Variants in STX3 observed in about 807,000 individuals in gnomAD.
STX3 encodes syntaxin 3.
Under a neutral mutation model 40.2 loss-of-function variants are expected in STX3, and 19 were observed. That is an observed-to-expected ratio of 0.47 (90% CI 0.33 to 0.69). The LOEUF is 0.69. STX3 is among the 30% of genes least tolerant of loss of function. STX3 has a pLI of 0.02. For synonymous variants in STX3, 122 were observed against 132.2 expected (o/e 0.92, Z 0.53); for missense variants, 364 against 366.7 (o/e 0.99, Z 0.06).
intron 1 of STX3, among the ~76,000 whole-genome samples, chr11:59,769,922 G>A (rs922863349): frequency 6.6e-6 from 1 of 151,158 alleles, no homozygotes; most frequent in South Asian, 2.1e-4. Context: ...GAGTGTGGGT[G>A]TATGTGTGTA....
At chr11:59,770,310 T>G (rs892267058) in intron 1 of STX3, among the ~76,000 whole-genome samples, 29 of 145,740 alleles carry the variant, frequency 2.0e-4, no homozygotes, top group Non-Finnish European at 3.6e-4. Flanking sequence ...GGGTGTGTGT[T>G]TATATGTAGC....
In STX3 at chr11:59,795,337, G is replaced by A. The variant is rs117785627; in HGVS notation, c.676-35G>A. 7.8e-3 allele frequency: 12,268 copies of A among 1,569,904 alleles called. 71 individuals are homozygous for A. Among genetic ancestry groups the A allele is most frequent in the Middle Eastern group, 0.019 (112 of 5,986 alleles). On this transcript the variant is annotated intron_variant, in intron 8 of 10. Coordinates refer to ENST00000337979, the MANE Select transcript of STX3 (RefSeq NM_004177.5). ...GCATTGGCTAGGACTGACCTGAGAC[G>A]TTTACTTGGTGTGATCAGAGTCTGT...
chr11:59,793,293 G>A (rs1317123733), intron 7 of STX3, 87 bp from the exon 8 acceptor site: 30 of 1,606,338 alleles, frequency 1.9e-5, no homozygotes, highest in Non-Finnish European at 2.4e-5. Context: ...GGGAGGCAAG[G>A]AGCTCCCCAG....
chr11:59,766,072 T>C (rs1178263609), intron 1 of STX3, among the ~76,000 whole-genome samples: 2 of 152,188 alleles, frequency 1.3e-5, no homozygotes, highest in African/African-American at 4.8e-5. Context: ...GTTATTTCTT[T>C]GACCCAGAAA....
Position 59,804,998 on chromosome 11 carries a change from G to C in STX3, c.*4174G>C, listed in dbSNP as rs1326486822. ...GGATCACCAGACTGACCAACATAGT[G>C]AAACCCCCTCTCTACAAAAAATACA... On this transcript the variant is annotated 3_prime_UTR_variant, in exon 11 of 11. Transcript: ENST00000337979. 6.6e-6 allele frequency: 1 copy of C among 152,084 alleles called. No homozygotes were observed. Among genetic ancestry groups the C allele is most frequent in the Non-Finnish European group, 1.5e-5 (1 of 68,032 alleles). 9.4% of individuals were successfully genotyped at this position (152,084 alleles called of 1,614,324 possible).
At chr11:59,794,573 A>G (rs1037908810) in intron 8 of STX3, among the ~76,000 whole-genome samples, 5 of 152,040 alleles carry the variant, frequency 3.3e-5, no homozygotes, top group East Asian at 3.9e-4. Context: ...TTTCCCCCAC[A>G]CTGCCTTGCC....
At chr11:59,792,610 A>G (rs914069777) in intron 6 of STX3, among the ~76,000 whole-genome samples, 1 of 152,188 alleles carries the variant, frequency 6.6e-6, no homozygotes, top group African/African-American at 2.4e-5. Context: ...GAAATAAATA[A>G]AGCCATACCC....
At chr11:59,777,408 A>G (rs527554284) in intron 2 of STX3, among the ~76,000 whole-genome samples, 1 of 152,330 alleles carries the variant, frequency 6.6e-6, no homozygotes, top group East Asian at 1.9e-4. Context: ...TCGAGGATTT[A>G]AACAAGGAAG....
At chr11:59,764,883 CTATTATTATTAT>C (rs71454394) in intron 1 of STX3, among the ~76,000 whole-genome samples, 1,530 of 145,152 alleles carry the variant, frequency 0.011, 33 homozygotes, top group African/African-American at 0.036. Flanking sequence ...CACACATTAT[CTATTATTATTAT>C]TATTATTATT....
At position 59,770,177 on chromosome 11, in the gene STX3, T is replaced by C. The variant is rs1448001869; in HGVS notation, c.31-3034T>C. Among the ~76,000 whole-genome samples, 51 of 150,682 alleles carry C rather than the reference T, an allele frequency of 3.4e-4. 1 individual carries two copies. The highest frequency in any genetic ancestry group is 3.4e-3 in the Admixed American group (51 of 15,082). On this transcript the variant is annotated intron_variant, in intron 1 of 10. Coordinates refer to ENST00000337979, the MANE Select transcript of STX3 (RefSeq NM_004177.5). ...AGGGTGTGCGTGTAAGGGGTGTGTGTGTGTGCTGTATGTGTATGAAAGGTA... is the reference window on the plus strand; with the variant it reads ...AGGGTGTGCGTGTAAGGGGTGTGTGCGTGTGCTGTATGTGTATGAAAGGTA...
chr11:59,784,143 T>C (rs1392734555), intron 2 of STX3, among the ~76,000 whole-genome samples: 1 of 152,100 alleles, frequency 6.6e-6, no homozygotes, highest in Non-Finnish European at 1.5e-5. Context: ...TTCCTATCTC[T>C]TCCTGTGCTT....
At chr11:59,754,734 A>G (rs1234703492), upstream of STX3, 1 of 152,118 alleles carries the variant, frequency 6.6e-6, no homozygotes, top group Non-Finnish European at 1.5e-5. Context: ...TTGAGAAACG[A>G]TGCTTTCCCA....
At position 59,804,503 on chromosome 11, in the gene STX3, A is replaced by C. The variant is rs1477979548; in HGVS notation, c.*3679A>C. 1 of 152,204 alleles carries C rather than the reference A, an allele frequency of 6.6e-6. No homozygotes were observed. Among genetic ancestry groups the C allele is most frequent in the East Asian group, 1.9e-4 (1 of 5,200 alleles). The allele number at this position is 152,204 out of a possible 1,614,324, so 9.4% of individuals were successfully genotyped here. A position where few individuals can be genotyped will look rare whatever the true frequency, so the allele number is the denominator to read the frequency against. ...CTAAACTCTTTAAGGTACCAATGAGAACGTGGTTTGTTACTGTCAGAGGCT... is the reference window on the plus strand; with the variant it reads ...CTAAACTCTTTAAGGTACCAATGAGCACGTGGTTTGTTACTGTCAGAGGCT... On this transcript the variant is annotated 3_prime_UTR_variant, in exon 11 of 11. Coordinates refer to ENST00000337979, the MANE Select transcript of STX3 (RefSeq NM_004177.5).
chr11:59,800,726 C>T (rs1865842120), intron 10 of STX3, 129 bp from the exon 11 acceptor site: 2 of 1,493,432 alleles, frequency 1.3e-6, no homozygotes, highest in Admixed American at 2.1e-5. Context: ...AAGTTCTGTC[C>T]TGGGTTTGTC....
intron 9 of STX3, among the ~76,000 whole-genome samples, 172 bp from the exon 10 acceptor site, chr11:59,797,111 A>C (rs948780060): frequency 6.6e-6 from 1 of 152,200 alleles, no homozygotes; most frequent in African/African-American, 2.4e-5. Context: ...ACCCTGTCTT[A>C]AAAATAAATG....
At chr11:59,782,074 C>T (rs1864420323) in intron 2 of STX3, among the ~76,000 whole-genome samples, 2 of 152,180 alleles carry the variant, frequency 1.3e-5, no homozygotes, top group Non-Finnish European at 2.9e-5. Flanking sequence ...ATGCAACCTG[C>T]CAGTTCCACA....
rs1238649957 is a variant in STX3, at chr11:59,805,234, A to C, written c.*4410A>C. 2.6e-5 allele frequency: 4 copies of C among 151,728 alleles called. No individual in the cohort carries two copies. Among genetic ancestry groups the C allele is most frequent in the African/African-American group, 9.7e-5 (4 of 41,232 alleles). 9.4% of individuals were successfully genotyped at this position (151,728 alleles called of 1,614,324 possible). On this transcript the variant is annotated 3_prime_UTR_variant, in exon 11 of 11. Transcript: ENST00000337979. ...TTCTTAATACTTAATACTGTCCCCA[A>C]TTCCATTCAAGGTTCAGTTGTGTTC...
At chr11:59,769,283 G>A (rs1487341781) in intron 1 of STX3, among the ~76,000 whole-genome samples, 1 of 152,030 alleles carries the variant, frequency 6.6e-6, no homozygotes. Flanking sequence ...GGAGGAGGAG[G>A]AGGATGAGGA....
intron 4 of STX3, 63 bp downstream of exon 4, chr11:59,789,010 T>A: frequency 6.9e-7 from 1 of 1,456,470 alleles, no homozygotes; most frequent in Non-Finnish European, 9.4e-7. Context: ...TCCCCTAGGG[T>A]CCAGCTTTCC....
Sources: allele counts gnomAD v4.1 joint callset (sites outside exome capture counted in the v4.1 genomes callset), GRCh38; gene constraint gnomAD v4.1.1; transcripts MANE v1.5; gene names NCBI Gene and HGNC (gene_info 2026-07-23, HGNC 2026-07-21).